Variants in SNX27 observed in about 807,000 individuals in gnomAD.
The protein encoded by SNX27 is sorting nexin 27, also known as sorting nexin-27.
In SNX27, 22 loss-of-function variants were observed where a neutral mutation model predicts 71.6. The observed-to-expected ratio is 0.31, with a 90% CI of 0.22 to 0.44. SNX27 has a LOEUF of 0.44. Ranked by LOEUF, SNX27 falls within the 20% of genes least tolerant of loss-of-function variation. The probability of loss-of-function intolerance (pLI) is 1.00; values close to 1 mark genes in which losing one functional copy is unlikely to be tolerated. For missense variants in SNX27, 531 were observed against 698.6 expected (o/e 0.76, Z 2.70); for synonymous variants, 269 against 277.2 (o/e 0.97, Z 0.29).
intron 2 of SNX27, among the ~76,000 whole-genome samples, chr1:151,651,190 G>A (rs1489874310): frequency 4.0e-5 from 6 of 151,594 alleles, no homozygotes; most frequent in East Asian, 2.0e-4. Flanking sequence ...GGGCAGAGGC[G>A]CCCCTCACCT....
At chr1:151,694,143 T>C (rs1671592979) in intron 11 of SNX27, 1 of 1,304,722 alleles carries the variant, frequency 7.7e-7, no homozygotes, top group Non-Finnish European at 9.8e-7. Flanking sequence ...CCTCCCTAGC[T>C]TTCAGTTTTC....
Position 151,693,034 on chromosome 1 carries a change from C to A in SNX27, c.1513C>A (p.Pro505Thr). 1 of 1,610,506 alleles carries A rather than the reference C, an allele frequency of 6.2e-7. No homozygotes were observed. Among genetic ancestry groups the A allele is most frequent in the African/African-American group, 1.3e-5 (1 of 74,846 alleles). The change falls in exon 10 of 12, where the codon CCA becomes ACA. Residue 505 changes from proline (P) to threonine (T), a missense_variant. This residue lies in a region of SNX27 where 157 missense variants were observed against 178.4 expected (regional missense o/e 0.88). Transcript: ENST00000458013. ...KKPRWVKIFT[P>T]YFNYMHECFE... is the part of the protein sequence containing the mutation. Reference sequence around the variant, plus strand: ...GCCCCGATGGGTTAAAATCTTCACGCCATATGTGAGTGCAATTTGGGGAAA... The same window carrying A: ...GCCCCGATGGGTTAAAATCTTCACGACATATGTGAGTGCAATTTGGGGAAA...
rs76894953 is a variant in SNX27 at position 151,643,255 on chromosome 1, C to T, written c.543+4136C>T. ...CTGGGATTACAGGCATGAGCAACCA[C>T]GCCTGGCCTTTTATTTATTTATTTA... is the stretch of plus-strand genomic sequence containing the variant. On this transcript the variant is annotated intron_variant, in intron 2 of 11. Coordinates refer to ENST00000458013, the MANE Select transcript of SNX27 (RefSeq NM_001330723.2). Among the ~76,000 whole-genome samples the T allele has an allele frequency of 1.2e-3, 178 of 148,140 alleles. 1 individual carries two copies. Among genetic ancestry groups the T allele is most frequent in the African/African-American group, 1.5e-3 (61 of 40,292 alleles).
intron 1 of SNX27, among the ~76,000 whole-genome samples, chr1:151,628,152 G>A (rs924884107): frequency 2.0e-5 from 3 of 151,708 alleles, no homozygotes; most frequent in Non-Finnish European, 2.9e-5. Flanking sequence ...GATTACAGGC[G>A]CCCGCCACCA....
intron 1 of SNX27, among the ~76,000 whole-genome samples, chr1:151,619,043 A>G (rs1667556901): frequency 6.6e-6 from 1 of 152,082 alleles, no homozygotes; most frequent in Non-Finnish European, 1.5e-5. Flanking sequence ...TAAGCTTCAC[A>G]AAAATTATGT....
chr1:151,683,513 C>A, intron 8 of SNX27, 68 bp downstream of exon 8: 1 of 1,226,312 alleles, frequency 8.2e-7, no homozygotes, highest in Non-Finnish European at 1.2e-6. Context: ...TAGTCCTAGT[C>A]ATTTTTGAAA....
Position 151,697,488 on chromosome 1 carries a change from G to A in SNX27, c.*3071G>A, listed in dbSNP as rs978302824. The A allele has an allele frequency of 2.6e-5, 4 of 152,664 alleles. No individual in the cohort carries two copies. The highest frequency in any genetic ancestry group is 1.3e-4 in the Admixed American group (2 of 15,274). The allele number at this position is 152,664 out of a possible 1,614,324, so 9.5% of individuals were successfully genotyped here. On this transcript the variant is annotated 3_prime_UTR_variant, in exon 12 of 12. Coordinates refer to ENST00000458013, the MANE Select transcript of SNX27 (RefSeq NM_001330723.2). The stretch of plus-strand genomic sequence containing the variant: ...TTGGCCTGTTGGCAGAATTTATTTA[G>A]GAACAGCCCTTTTGAAAGTGTCCCA...
chr1:151,612,096 G>C lies in SNX27; in HGVS notation c.-106G>C, dbSNP rs1667199048. On this transcript the variant is annotated 5_prime_UTR_variant, in exon 1 of 12. Transcript: ENST00000458013. The surrounding 1 kb of genome is among the most constrained non-coding windows in gnomAD (Gnocchi z 5.2). ...GGCCGAGTCGGTCCCGCGGCCGGCGGATCGGGCGCGCGCGTCGGGGGTCGT... is the reference window on the plus strand; with the variant it reads ...GGCCGAGTCGGTCCCGCGGCCGGCGCATCGGGCGCGCGCGTCGGGGGTCGT... 5 of 1,201,508 alleles carry C rather than the reference G, an allele frequency of 4.2e-6. No homozygotes were observed. In the Admixed American group the frequency reaches 2.1e-4, roughly 51 times the overall value. 74.4% of individuals were successfully genotyped at this position (1,201,508 alleles called of 1,614,324 possible).
intron 3 of SNX27, 110 bp downstream of exon 3, chr1:151,658,537 GGTTT>G: frequency 2.8e-6 from 3 of 1,086,798 alleles, no homozygotes; most frequent in Non-Finnish European, 3.9e-6. Flanking sequence ...ATGTAAGTCA[GGTTT>G]CTGACTAAGT....
At chr1:151,653,325 T>C (rs1369284185) in intron 2 of SNX27, among the ~76,000 whole-genome samples, 1 of 152,152 alleles carries the variant, frequency 6.6e-6, no homozygotes, top group Admixed American at 6.6e-5. Context: ...TAGAGATGAC[T>C]GAAGTAAATA....
chr1:151,662,162 C>T lies in SNX27; in HGVS notation c.802-4C>T, dbSNP rs373727297. ...AAATTATTTCTCTATGTCTTTTCCC[C>T]CAGAACTACAATGGTGTGTCCGACG... On this transcript the variant is annotated splice_region_variant and splice_polypyrimidine_tract_variant and intron_variant, in intron 4 of 11. Coordinates refer to ENST00000458013, the MANE Select transcript of SNX27 (RefSeq NM_001330723.2). 4.7e-5 allele frequency: 76 copies of T among 1,608,350 alleles called. No homozygotes were observed. The highest frequency in any genetic ancestry group is 5.8e-5 in the Non-Finnish European group (68 of 1,175,412).
intron 6 of SNX27, 134 bp downstream of exon 6, chr1:151,666,145 C>A: frequency 1.9e-6 from 1 of 536,478 alleles, no homozygotes; most frequent in Non-Finnish European, 3.2e-6. Flanking sequence ...CCAAGCATAT[C>A]CCATTAAACT....
intron 7 of SNX27, chr1:151,676,566 A>G (rs540666114): frequency 1.3e-5 from 2 of 152,080 alleles, no homozygotes; most frequent in East Asian, 3.9e-4. Flanking sequence ...TCTGCCTCCT[A>G]AAGTGCTGAG....
At chr1:151,641,627 A>C (rs1187077884) in intron 2 of SNX27, among the ~76,000 whole-genome samples, 2 of 120,966 alleles carry the variant, frequency 1.7e-5, no homozygotes, top group East Asian at 2.6e-4. Context: ...ATATATATAT[A>C]TATCATATGT....
At chr1:151,648,256 T>A (rs879851272) in intron 2 of SNX27, among the ~76,000 whole-genome samples, 10 of 152,162 alleles carry the variant, frequency 6.6e-5, no homozygotes, top group Admixed American at 4.6e-4. Context: ...GGTTTCATCA[T>A]GTTGCCCAGG....
chr1:151,667,826 C>CAAAAAA (rs138979420), intron 6 of SNX27, among the ~76,000 whole-genome samples: 1 of 74,178 alleles, frequency 1.3e-5, no homozygotes, highest in Non-Finnish European at 2.5e-5. Flanking sequence ...GACTCCGTCT[C>CAAAAAA]AAAAAAAAAA....
Position 151,693,437 on chromosome 1 carries a change from A to G in SNX27, c.1532A>G (p.His511Arg). 2 of 1,614,112 alleles carry G rather than the reference A, an allele frequency of 1.2e-6. No homozygotes were observed. The highest frequency in any genetic ancestry group is 1.7e-6 in the Non-Finnish European group (2 of 1,180,016). The stretch of plus-strand genomic sequence containing the variant: ...CTTTTTTTTCAGTTCAATTACATGC[A>G]TGAGTGCTTCGAGAGGGTGTTCTGC... ...KIFTPYFNYM[H>R]ECFERVFCEL... The change falls in exon 11 of 12, where the codon CAT (histidine) becomes CGT (arginine). Residue 511 changes from histidine to arginine, a missense_variant. Physicochemically the swap from His to Arg is conservative, Grantham distance 29. Coordinates refer to ENST00000458013, the MANE Select transcript of SNX27 (RefSeq NM_001330723.2).
chr1:151,617,364 C>T (rs572498649), intron 1 of SNX27, among the ~76,000 whole-genome samples: 75 of 152,040 alleles, frequency 4.9e-4, no homozygotes, highest in African/African-American at 1.7e-3. Flanking sequence ...CTGCAACCTC[C>T]GCCTCCCGGG....
intron 1 of SNX27, among the ~76,000 whole-genome samples, chr1:151,637,504 C>G (rs1489271005): frequency 6.6e-6 from 1 of 152,138 alleles, no homozygotes; most frequent in Non-Finnish European, 1.5e-5. Flanking sequence ...GATCACAGGT[C>G]TGACTGAATG....
Sources: allele counts gnomAD v4.1 joint callset (sites outside exome capture counted in the v4.1 genomes callset), GRCh38; gene constraint gnomAD v4.1.1; regional missense constraint gnomAD v4.1.1; non-coding constraint Gnocchi (gnomAD v3.1); transcripts MANE v1.5; gene names NCBI Gene and HGNC (gene_info 2026-07-23, HGNC 2026-07-21).